The following CPNE4 variants were observed in gnomAD, a reference collection of about 807,000 sequenced individuals.
CPNE4 encodes copine 4, also known as copine-4.
A neutral mutation model predicts 67.9 loss-of-function variants in CPNE4; 25 were observed. The ratio of observed to expected loss-of-function variants is 0.37; its 90% CI spans 0.27 to 0.51. The LOEUF is 0.51. CPNE4 is among the 20% of genes least tolerant of loss of function. The pLI is 0.93. For synonymous variants in CPNE4, 242 were observed against 244.9 expected (o/e 0.99, Z 0.11); for missense variants, 464 against 690.8 (o/e 0.67, Z 3.68).
intron 2 of CPNE4, among the ~76,000 whole-genome samples, chr3:131,788,366 T>A (rs2083621590): frequency 6.6e-6 from 1 of 152,060 alleles, no homozygotes; most frequent in South Asian, 2.1e-4. Context: ...AATGTACAAT[T>A]TCAAAAAGAA....
chr3:131,863,516 A>C (rs532600824), intron 2 of CPNE4, among the ~76,000 whole-genome samples: 1 of 152,330 alleles, frequency 6.6e-6, no homozygotes, highest in African/African-American at 2.4e-5. Context: ...TCTTTTGAGA[A>C]GTGTCTGTTC....
intron 11 of CPNE4, among the ~76,000 whole-genome samples, chr3:131,557,460 A>G (rs1936520817): frequency 1.3e-5 from 2 of 152,116 alleles, no homozygotes; most frequent in Admixed American, 1.3e-4. Flanking sequence ...TTACTAGCCA[A>G]TGATGGTTTT....
chr3:131,610,098 C>A (rs1323952365), intron 7 of CPNE4, among the ~76,000 whole-genome samples: 1 of 152,142 alleles, frequency 6.6e-6, no homozygotes, highest in East Asian at 1.9e-4. Flanking sequence ...ACTTCCCCCT[C>A]TCCTTTCCTT....
At chr3:132,019,518 CAT>C (rs2073949925) in intron 1 of CPNE4, among the ~76,000 whole-genome samples, 1 of 151,894 alleles carries the variant, frequency 6.6e-6, no homozygotes, top group African/African-American at 2.4e-5. Context: ...ATTATTGAGA[CAT>C]ATAAAGATCT....
chr3:131,651,206 T>C (rs539664935), intron 7 of CPNE4, among the ~76,000 whole-genome samples: 1 of 152,218 alleles, frequency 6.6e-6, no homozygotes, highest in Admixed American at 6.5e-5. Flanking sequence ...TTCCCATACA[T>C]AATTTCTCCC....
chr3:131,988,590 C>T (rs1197175234), intron 1 of CPNE4, among the ~76,000 whole-genome samples: 2 of 152,026 alleles, frequency 1.3e-5, no homozygotes, highest in African/African-American at 2.4e-5. Flanking sequence ...TGATTGACTA[C>T]AAAGGAGTCA....
intron 2 of CPNE4, among the ~76,000 whole-genome samples, chr3:131,808,558 G>A (rs572851706): frequency 2.0e-5 from 3 of 151,892 alleles, no homozygotes; most frequent in African/African-American, 7.2e-5. Context: ...TTTAAGAATT[G>A]GTCATCAAAA....
At chr3:131,715,926 TC>T (rs1484714074) in intron 3 of CPNE4, among the ~76,000 whole-genome samples, 1 of 152,090 alleles carries the variant, frequency 6.6e-6, no homozygotes, top group Non-Finnish European at 1.5e-5. Flanking sequence ...CTAAGGAAGG[TC>T]TCAAAACTTA....
intron 2 of CPNE4, among the ~76,000 whole-genome samples, chr3:131,854,700 G>T (rs115975112): frequency 1.3e-5 from 2 of 151,654 alleles, no homozygotes; most frequent in African/African-American, 4.8e-5. Flanking sequence ...TTTAGGCAGA[G>T]GGTGTGTGTC....
chr3:131,821,335 G>A (rs2084952596), intron 2 of CPNE4, among the ~76,000 whole-genome samples: 1 of 152,216 alleles, frequency 6.6e-6, no homozygotes, highest in Admixed American at 6.5e-5. Context: ...ATCCACAGAA[G>A]GCTGGGGAAA....
At chr3:131,996,743 T>C (rs1158014395) in intron 1 of CPNE4, among the ~76,000 whole-genome samples, 1 of 152,112 alleles carries the variant, frequency 6.6e-6, no homozygotes. Flanking sequence ...ATTGTCATAG[T>C]TCTGTACGGC....
At chr3:131,861,350 G>A (rs2086669391) in intron 2 of CPNE4, among the ~76,000 whole-genome samples, 1 of 151,268 alleles carries the variant, frequency 6.6e-6, no homozygotes, top group Admixed American at 6.6e-5. Context: ...AATTCCTCTT[G>A]CTTTTTGTAC....
At chr3:131,567,994 G>A (rs894011158) in intron 10 of CPNE4, among the ~76,000 whole-genome samples, 5 of 151,952 alleles carry the variant, frequency 3.3e-5, no homozygotes, top group Non-Finnish European at 4.4e-5. Context: ...CTATGACAAC[G>A]AGAGAGGCCA....
At chr3:131,717,639 A>G (rs1452426076) in intron 3 of CPNE4, among the ~76,000 whole-genome samples, 1 of 152,134 alleles carries the variant, frequency 6.6e-6, no homozygotes, top group Non-Finnish European at 1.5e-5. Context: ...TAAGCCAGAC[A>G]CCTGCAAACT....
At chr3:131,928,811 G>T (rs1263198261) in intron 1 of CPNE4, among the ~76,000 whole-genome samples, 1 of 152,178 alleles carries the variant, frequency 6.6e-6, no homozygotes, top group Non-Finnish European at 1.5e-5. Flanking sequence ...CATTTGAGAA[G>T]CTTTTGTTTC....
chr3:131,787,953 T>C (rs1314793588), intron 2 of CPNE4, among the ~76,000 whole-genome samples: 1 of 152,128 alleles, frequency 6.6e-6, no homozygotes, highest in Non-Finnish European at 1.5e-5. Context: ...CATTTTTGAG[T>C]AATTATTGAG....
At chr3:131,922,964 C>T (rs996544491) in intron 1 of CPNE4, among the ~76,000 whole-genome samples, 1 of 152,064 alleles carries the variant, frequency 6.6e-6, no homozygotes, top group Non-Finnish European at 1.5e-5. Flanking sequence ...TATTATAGAT[C>T]AAGACTGTAA....
chr3:131,763,770 T>C (rs1386803408), intron 2 of CPNE4, among the ~76,000 whole-genome samples: 1 of 152,142 alleles, frequency 6.6e-6, no homozygotes, highest in Non-Finnish European at 1.5e-5. Flanking sequence ...GCCTTAACAC[T>C]GTGTATGTTC....
chr3:131,979,216 C>T (rs2072838614), intron 1 of CPNE4, among the ~76,000 whole-genome samples: 1 of 152,098 alleles, frequency 6.6e-6, no homozygotes, highest in East Asian at 1.9e-4. Context: ...TCCATTTGTT[C>T]CATATAGTTT....
Sources: allele counts gnomAD v4.1 joint callset (sites outside exome capture counted in the v4.1 genomes callset), GRCh38; gene constraint gnomAD v4.1.1; transcripts MANE v1.5; gene names NCBI Gene and HGNC (gene_info 2026-07-23, HGNC 2026-07-21).